The following ALDH1L2 variants were observed in gnomAD, a reference collection of about 807,000 sequenced individuals.
ALDH1L2 encodes the protein mitochondrial 10-formyltetrahydrofolate dehydrogenase.
A neutral mutation model predicts 111.0 loss-of-function variants in ALDH1L2; 91 were observed. The observed-to-expected ratio is 0.82, with a 90% CI of 0.69 to 0.98. The LOEUF is 0.98. Ranked by LOEUF, ALDH1L2 falls within the 50% of genes least tolerant of loss-of-function variation. The pLI is 0.00. For missense variants in ALDH1L2, 995 were observed against 1,126.8 expected, an observed-to-expected ratio of 0.88 and a Z score of 1.67; for synonymous variants, 374 against 392.6, an observed-to-expected ratio of 0.95 and a Z score of 0.56.
Position 105,062,799 on chromosome 12 carries a change from G to A in ALDH1L2, c.921+89C>T, listed in dbSNP as rs1186739698. 130 of 1,489,814 alleles carry A rather than the reference G, an allele frequency of 8.7e-5. 1 individual carries two copies. In the East Asian group the frequency reaches 3.0e-3, roughly 34 times the overall value. The allele number at this position is 1,489,814 out of a possible 1,614,324, so 92.3% of individuals were successfully genotyped here. On this transcript the variant is annotated intron_variant, in intron 7 of 22. Transcript: ENST00000258494. The stretch of plus-strand genomic sequence containing the variant: ...CTCAGAGCCAGCTCCTCCCCAGCCA[G>A]CAATGGAGTGAAAGCTATTCCCTTA...
Position 105,023,850 on chromosome 12 carries a change from C to G in ALDH1L2, c.*574G>C, listed in dbSNP as rs1373349138. On this transcript the variant is annotated 3_prime_UTR_variant, in exon 23 of 23. Transcript: ENST00000258494. Reference sequence around the variant, plus strand: ...TCAGAACATAATATAGTACCTGGTACCTAGTAGGTACTCAAGATAATGTTT... The same window carrying G: ...TCAGAACATAATATAGTACCTGGTAGCTAGTAGGTACTCAAGATAATGTTT... 1 of 152,954 alleles carries G rather than the reference C, an allele frequency of 6.5e-6. No individual in the cohort carries two copies. The highest frequency in any genetic ancestry group is 1.9e-4 in the East Asian group (1 of 5,208). 9.5% of individuals were successfully genotyped at this position (152,954 alleles called of 1,614,324 possible). A position where few individuals can be genotyped will look rare whatever the true frequency, so the allele number is the denominator to read the frequency against.
chr12:105,056,072 C>G (rs939076584), intron 10 of ALDH1L2, among the ~76,000 whole-genome samples: 1 of 151,920 alleles, frequency 6.6e-6, no homozygotes, highest in African/African-American at 2.4e-5. Flanking sequence ...CCAAGAAGCT[C>G]AACAAATTCT....
chr12:105,078,944 GACACC>G (rs2136115929), intron 1 of ALDH1L2, among the ~76,000 whole-genome samples: 1 of 152,278 alleles, frequency 6.6e-6, no homozygotes, highest in African/African-American at 2.4e-5. Context: ...GGTGACAAGC[GACACC>G]GTAGCAAGAG....
chr12:105,046,578 G>T (rs909948788), intron 15 of ALDH1L2, 132 bp downstream of exon 15: 4 of 710,350 alleles, frequency 5.6e-6, no homozygotes, highest in South Asian at 2.0e-5. Flanking sequence ...GACATGAAAA[G>T]TTGTCCATGA....
intron 20 of ALDH1L2, among the ~76,000 whole-genome samples, 199 bp downstream of exon 20, chr12:105,031,570 G>A (rs147657403): frequency 1.1e-3 from 174 of 152,128 alleles, no homozygotes; most frequent in African/African-American, 3.7e-3. Context: ...AGCCTCCTCC[G>A]CTCACGTTAA....
chr12:105,067,491 T>A (rs900168577), intron 4 of ALDH1L2, among the ~76,000 whole-genome samples: 1 of 152,236 alleles, frequency 6.6e-6, no homozygotes, highest in African/African-American at 2.4e-5. Flanking sequence ...CCTTACTGTA[T>A]TTAATGAATT....
intron 15 of ALDH1L2, among the ~76,000 whole-genome samples, chr12:105,046,455 A>G (rs886283772): frequency 2.0e-5 from 3 of 151,638 alleles, no homozygotes; most frequent in African/African-American, 7.3e-5. Context: ...GGTTCGTAGA[A>G]AGTCATTGGA....
At chr12:105,059,119 T>C (rs1201321062) in intron 9 of ALDH1L2, among the ~76,000 whole-genome samples, 1 of 151,748 alleles carries the variant, frequency 6.6e-6, no homozygotes, top group Non-Finnish European at 1.5e-5. Flanking sequence ...ATACAAAAAT[T>C]AGCTGGGCGT....
chr12:105,046,622 G>A (rs1875933180), intron 15 of ALDH1L2, 88 bp downstream of exon 15: 3 of 1,181,936 alleles, frequency 2.5e-6, no homozygotes, highest in Non-Finnish European at 2.4e-6. Context: ...TCTCATTTTT[G>A]TTTGCTATTT....
At chr12:105,082,828 T>C (rs1878392778) in intron 1 of ALDH1L2, among the ~76,000 whole-genome samples, 1 of 152,234 alleles carries the variant, frequency 6.6e-6, no homozygotes, top group Non-Finnish European at 1.5e-5. Flanking sequence ...CAGCCATGTA[T>C]CTGTTTGATT....
chr12:105,071,412 G>C (rs1270208178), intron 2 of ALDH1L2, among the ~76,000 whole-genome samples: 1 of 151,760 alleles, frequency 6.6e-6, no homozygotes, highest in Non-Finnish European at 1.5e-5. Context: ...TCACTAAGCA[G>C]ACCAGGGTCT....
intron 6 of ALDH1L2, 63 bp from the exon 7 acceptor site, chr12:105,063,085 T>A: frequency 6.6e-7 from 1 of 1,520,820 alleles, no homozygotes; most frequent in Non-Finnish European, 8.8e-7. Context: ...GCGGTATGTA[T>A]AAGCATCATT....
chr12:105,026,409 A>C, intron 22 of ALDH1L2, 136 bp downstream of exon 22: 1 of 893,912 alleles, frequency 1.1e-6, no homozygotes, highest in Non-Finnish European at 1.7e-6. Flanking sequence ...TTAAAAAACG[A>C]ATGCCCTTCT....
chr12:105,026,891 C>G, intron 21 of ALDH1L2, 147 bp from the exon 22 acceptor site: 1 of 952,160 alleles, frequency 1.1e-6, no homozygotes, highest in Non-Finnish European at 1.6e-6. Context: ...TTTTTAGAGG[C>G]CAGGCATTGC....
chr12:105,022,610 C>T lies in ALDH1L2; in HGVS notation c.*1814G>A, dbSNP rs1199040382. The T allele has an allele frequency of 2.0e-5, 3 of 152,130 alleles. No individual in the cohort carries two copies. The highest frequency in any genetic ancestry group is 7.2e-5 in the African/African-American group (3 of 41,424). The allele number at this position is 152,130 out of a possible 1,614,324, so 9.4% of individuals were successfully genotyped here. ...TAAAAAGGCTTTTGTCACTTTTATT[C>T]AAATATGAACTGTCATTTTGGGCCC... On this transcript the variant is annotated 3_prime_UTR_variant, in exon 23 of 23. Coordinates refer to ENST00000258494, the MANE Select transcript of ALDH1L2 (RefSeq NM_001034173.4).
intron 20 of ALDH1L2, among the ~76,000 whole-genome samples, 169 bp from the exon 21 acceptor site, chr12:105,030,598 A>G (rs1414786796): frequency 2.6e-5 from 4 of 152,194 alleles, no homozygotes; most frequent in Admixed American, 2.0e-4. Flanking sequence ...CTTATTTTTT[A>G]ATGTCTTTAT....
At chr12:105,077,188 G>A (rs867166497) in intron 1 of ALDH1L2, among the ~76,000 whole-genome samples, 1 of 152,156 alleles carries the variant, frequency 6.6e-6, no homozygotes, top group Non-Finnish European at 1.5e-5. Context: ...GGTGTCTGTC[G>A]CATTAGTGAG....
At chr12:105,059,547 T>A (rs1306660693) in intron 9 of ALDH1L2, among the ~76,000 whole-genome samples, 1 of 152,152 alleles carries the variant, frequency 6.6e-6, no homozygotes, top group Non-Finnish European at 1.5e-5. Flanking sequence ...TAGAAGTTTC[T>A]GGGAACTCAT....
intron 15 of ALDH1L2, among the ~76,000 whole-genome samples, chr12:105,042,396 A>ATT (rs1875595365): frequency 7.2e-6 from 1 of 139,258 alleles, no homozygotes. Flanking sequence ...TTTAATATGT[A>ATT]TTTGGGTTTT....
Sources: gnomAD v4.1 joint callset for allele counts (sites outside exome capture counted in the v4.1 genomes callset) on GRCh38, gnomAD v4.1.1 for gene constraint, MANE v1.5 for transcripts, NCBI Gene and HGNC (gene_info 2026-07-23, HGNC 2026-07-21) for gene names.